INPP4B: variants seen among roughly 807,000 people sequenced by gnomAD.
INPP4B encodes the protein inositol polyphosphate 4-phosphatase type II.
A neutral mutation model predicts 122.5 loss-of-function variants in INPP4B; 55 were observed. The observed-to-expected ratio is 0.45, with a 90% confidence interval of 0.36 to 0.56. The LOEUF (loss-of-function observed/expected upper bound fraction) is 0.56, where lower values mean the gene tolerates loss of function less well. Ranked by LOEUF, INPP4B falls within the 20% of genes least tolerant of loss-of-function variation. The pLI is 0.00. For synonymous variants in INPP4B, 403 were observed against 388.7 expected, an observed-to-expected ratio of 1.04 and a Z score of -0.43; for missense variants, 1,000 against 1,097.7, an observed-to-expected ratio of 0.91 and a Z score of 1.26.
In INPP4B at chr4:142,694,424, T is replaced by A. The variant is rs1760730320; in HGVS notation, c.-191+31415A>T. Among the ~76,000 whole-genome samples, 3 of 150,828 alleles carry A rather than the reference T, an allele frequency of 2.0e-5. No individual in the cohort carries two copies. The South Asian group carries it at 6.3e-4, about 32-fold the overall frequency. On this transcript the variant is annotated intron_variant, in intron 2 of 25. Coordinates refer to ENST00000262992, the MANE Select transcript of INPP4B (RefSeq NM_001101669.3). ...GAAAAAAAAAACCCTTTAACTCAAATGCCTTTTAGTTCACATGTCTTTAAT... is the reference window on the plus strand; with the variant it reads ...GAAAAAAAAAACCCTTTAACTCAAAAGCCTTTTAGTTCACATGTCTTTAAT...
chr4:142,023,216 T>C lies in INPP4B; in HGVS notation c.*5566A>G, dbSNP rs1402749956. Reference sequence around the variant, plus strand: ...ATATACACACAGTGTACAATGAATATGGTTTACACAGAACAATAAAACAAA... The same window carrying C: ...ATATACACACAGTGTACAATGAATACGGTTTACACAGAACAATAAAACAAA... On this transcript the variant is annotated 3_prime_UTR_variant, in exon 26 of 26. Transcript: ENST00000262992. The C allele has an allele frequency of 6.6e-6, 1 of 152,116 alleles. No individual in the cohort carries two copies. Among genetic ancestry groups the C allele is most frequent in the Non-Finnish European group, 1.5e-5 (1 of 68,008 alleles). 9.4% of individuals were successfully genotyped at this position (152,116 alleles called of 1,614,324 possible).
chr4:142,817,474 T>A (rs995720443), intron 1 of INPP4B, among the ~76,000 whole-genome samples: 2 of 152,164 alleles, frequency 1.3e-5, no homozygotes, highest in African/African-American at 4.8e-5. Context: ...TCTTTGAACG[T>A]ACGGCTGCAT....
In INPP4B at chr4:142,134,797, CAAAAAA is replaced by C. The variant is rs58297348; in HGVS notation, c.1721-10043_1721-10038del. Among the ~76,000 whole-genome samples the C allele has an allele frequency of 6.7e-3, 342 of 51,306 alleles. 3 individuals carry two copies. Among genetic ancestry groups the C allele is most frequent in the African/African-American group, 0.016 (299 of 18,134 alleles). 33.7% of individuals were successfully genotyped at this position (51,306 alleles called of 152,430 possible). On this transcript the variant is annotated intron_variant, in intron 18 of 25. Transcript: ENST00000262992. ...GGGCAACAAGAGCGAAACTCTGTCT[CAAAAAA>C]AAAAAAAAAAAAAAAAAAAAGTTGT...
chr4:142,754,379 T>C (rs1770187149), intron 1 of INPP4B, among the ~76,000 whole-genome samples: 3 of 151,974 alleles, frequency 2.0e-5, no homozygotes, highest in Admixed American at 1.3e-4. Flanking sequence ...ACCCAAATCA[T>C]GTGTCTGTAT....
intron 3 of INPP4B, among the ~76,000 whole-genome samples, chr4:142,456,314 G>T (rs559092805): frequency 3.3e-5 from 5 of 151,902 alleles, no homozygotes; most frequent in African/African-American, 7.2e-5. Context: ...AATTCATTTT[G>T]ATTTGTATAT....
At chr4:142,305,570 T>G (rs370063247) in intron 8 of INPP4B, 33 bp from the exon 9 acceptor site, 2 of 1,586,686 alleles carry the variant, frequency 1.3e-6, no homozygotes, top group East Asian at 2.2e-5. Context: ...TTTCATTAAC[T>G]TGAGGTTCTT....
chr4:142,755,970 C>T (rs767501943), intron 1 of INPP4B, among the ~76,000 whole-genome samples: 50 of 152,130 alleles, frequency 3.3e-4, no homozygotes, highest in Admixed American at 9.8e-4. Flanking sequence ...CCAGTTTTTA[C>T]TAGGTATCAA....
chr4:142,591,947 G>A (rs879181749), intron 2 of INPP4B, among the ~76,000 whole-genome samples: 4 of 152,144 alleles, frequency 2.6e-5, no homozygotes, highest in African/African-American at 9.7e-5. Context: ...ATCCTGGATA[G>A]AATCCTGGAA....
rs565751491 is a variant in INPP4B at position 142,535,385 on chromosome 4, T to C, written c.-190-72659A>G. On this transcript the variant is annotated intron_variant, in intron 2 of 25. Transcript: ENST00000262992. ...CAGAGATTTAATACTTCCTGTACTT[T>C]GGGCAATTCACTACCTATTTCTGTG... 7.2e-5 allele frequency among the ~76,000 whole-genome samples: 11 copies of C among 152,350 alleles called. No homozygotes were observed. The South Asian group carries it at 1.5e-3, about 20-fold the overall frequency.
chr4:142,452,793 T>C (rs562484802), intron 3 of INPP4B, among the ~76,000 whole-genome samples: 2 of 152,334 alleles, frequency 1.3e-5, no homozygotes, highest in African/African-American at 4.8e-5. Context: ...ATGGAAACTT[T>C]TTCTTCTATA....
intron 2 of INPP4B, among the ~76,000 whole-genome samples, chr4:142,718,526 T>A (rs989651284): frequency 2.0e-5 from 3 of 152,190 alleles, no homozygotes; most frequent in Non-Finnish European, 4.4e-5. Context: ...TGCGTCCGCA[T>A]CAGGCTCAAT....
chr4:142,824,333 T>G (rs946535877), intron 1 of INPP4B, among the ~76,000 whole-genome samples: 1 of 152,110 alleles, frequency 6.6e-6, no homozygotes, highest in Non-Finnish European at 1.5e-5. Context: ...TATCTCTATC[T>G]CTATCTCTTT....
intron 14 of INPP4B, among the ~76,000 whole-genome samples, chr4:142,203,178 G>A (rs1236980820): frequency 6.6e-6 from 1 of 152,002 alleles, no homozygotes; most frequent in African/African-American, 2.4e-5. Context: ...AAGGGACCAG[G>A]CTCACAAAGT....
intron 7 of INPP4B, among the ~76,000 whole-genome samples, chr4:142,377,208 C>T (rs1792257415): frequency 6.6e-6 from 1 of 151,734 alleles, no homozygotes; most frequent in African/African-American, 2.4e-5. Context: ...AAACATTGGT[C>T]CATTTCACGA....
intron 11 of INPP4B, among the ~76,000 whole-genome samples, chr4:142,259,540 T>C (rs1561659338): frequency 6.6e-6 from 1 of 151,306 alleles, no homozygotes; most frequent in Admixed American, 6.6e-5. Context: ...TTATAATTGT[T>C]ATAAATTGTT....
chr4:142,249,590 A>G (rs894367595), intron 11 of INPP4B, among the ~76,000 whole-genome samples: 1 of 152,324 alleles, frequency 6.6e-6, no homozygotes, highest in East Asian at 1.9e-4. Context: ...TGCGACATCA[A>G]CTTCAAACAT....
At chr4:142,407,698 T>C (rs970456647) in intron 5 of INPP4B, among the ~76,000 whole-genome samples, 8 of 152,126 alleles carry the variant, frequency 5.3e-5, no homozygotes. Context: ...GTACCCTAAG[T>C]CTTATGCAGC....
chr4:142,116,928 G>A (rs956730535), intron 21 of INPP4B, among the ~76,000 whole-genome samples: 1 of 151,926 alleles, frequency 6.6e-6, no homozygotes, highest in African/African-American at 2.4e-5. Flanking sequence ...AACTAATAAA[G>A]AAGAAAAGAG....
At chr4:142,843,140 T>C (rs993881990) in intron 1 of INPP4B, among the ~76,000 whole-genome samples, 12 of 151,290 alleles carry the variant, frequency 7.9e-5, no homozygotes, top group Non-Finnish European at 1.5e-4. Context: ...TTTCTAGGTA[T>C]ATACTGATCT....
Sources: allele counts gnomAD v4.1 joint callset (sites outside exome capture counted in the v4.1 genomes callset), GRCh38; gene constraint gnomAD v4.1.1; transcripts MANE v1.5; gene names NCBI Gene and HGNC (gene_info 2026-07-23, HGNC 2026-07-21).